The following TSPAN19 variants were observed in gnomAD, a reference collection of about 807,000 sequenced individuals.
TSPAN19 encodes the protein tetraspanin-19.
A neutral mutation model predicts 35.1 loss-of-function variants in TSPAN19; 44 were observed. The ratio of observed to expected loss-of-function variants is 1.25; its 90% CI spans 0.98 to 1.61. The LOEUF (loss-of-function observed/expected upper bound fraction) is 1.61. TSPAN19 is among the 40% of genes most tolerant of loss of function. The pLI, the probability that TSPAN19 is intolerant of heterozygous loss-of-function variation, is 0.00. For missense variants in TSPAN19, 290 were observed against 280.0 expected, an observed-to-expected ratio of 1.04 and a Z score of -0.26; for synonymous variants, 79 against 92.0, an observed-to-expected ratio of 0.86 and a Z score of 0.81.
chr12:85,026,330 A>G (rs939262064), intron 4 of TSPAN19, among the ~76,000 whole-genome samples: 1 of 152,168 alleles, frequency 6.6e-6, no homozygotes, highest in African/African-American at 2.4e-5. Context: ...AATTATGCTA[A>G]GGATCCTGGA....
At chr12:85,034,414 A>T (rs888495495) in intron 1 of TSPAN19, among the ~76,000 whole-genome samples, 1 of 152,136 alleles carries the variant, frequency 6.6e-6, no homozygotes, top group East Asian at 1.9e-4. Flanking sequence ...GTTATCTCTC[A>T]TTCTTTCATT....
rs141903985 is a variant in TSPAN19 at position 85,026,066 on chromosome 12, C to T, written c.264+1833G>A. On this transcript the variant is annotated intron_variant, in intron 4 of 8. Transcript: ENST00000532498. ...ATGTTCATGTATATCCTTATGATGG[C>T]GTCTATCAGGCTTTCTCATTCAGAT... Among the ~76,000 whole-genome samples, 1,013 of 152,194 alleles carry T rather than the reference C, an allele frequency of 6.7e-3. 16 individuals carry two copies. Among genetic ancestry groups the T allele is most frequent in the African/African-American group, 0.023 (953 of 41,520 alleles).
Position 85,027,361 on chromosome 12 carries a change from A to T in TSPAN19, c.264+538T>A, listed in dbSNP as rs1877464654. Among the ~76,000 whole-genome samples the T allele has an allele frequency of 4.6e-5, 7 of 152,172 alleles. No individual in the cohort carries two copies. The South Asian group carries it at 1.4e-3, about 31-fold the overall frequency. ...GCTCACTCATTAGCTGGGTGACAGGATCAATCGAATTCCAAACCTCAGCAT... is the reference window on the plus strand; with the variant it reads ...GCTCACTCATTAGCTGGGTGACAGGTTCAATCGAATTCCAAACCTCAGCAT... On this transcript the variant is annotated intron_variant, in intron 4 of 8. Coordinates refer to ENST00000532498, the MANE Select transcript of TSPAN19 (RefSeq NM_001100917.2).
At chr12:85,018,931 T>A (rs1876964391) in intron 6 of TSPAN19, among the ~76,000 whole-genome samples, 1 of 151,908 alleles carries the variant, frequency 6.6e-6, no homozygotes, top group Non-Finnish European at 1.5e-5. Flanking sequence ...TGGTATTTTT[T>A]TAATTGGGCA....
chr12:85,029,862 T>C lies in TSPAN19; in HGVS notation c.66+19A>G. On this transcript the variant is annotated intron_variant, in intron 2 of 8. Coordinates refer to ENST00000532498, the MANE Select transcript of TSPAN19 (RefSeq NM_001100917.2). ...AATAGATTACATTTTCTTTACTGTA[T>C]AATTATGAAGATTCTTACCAAGAAA... 6.6e-7 allele frequency: 1 copy of C among 1,506,394 alleles called. No individual in the cohort carries two copies. Among genetic ancestry groups the C allele is most frequent in the Non-Finnish European group, 9.0e-7 (1 of 1,114,874 alleles). 93.3% of individuals were successfully genotyped at this position (1,506,394 alleles called of 1,614,324 possible).
intron 1 of TSPAN19, among the ~76,000 whole-genome samples, chr12:85,033,178 T>G (rs1877762550): frequency 6.6e-6 from 1 of 151,926 alleles, no homozygotes; most frequent in Admixed American, 6.6e-5. Flanking sequence ...AAGGTCCTAG[T>G]TAGATAAAAA....
At chr12:85,020,049 T>G (rs1877041384) in intron 5 of TSPAN19, among the ~76,000 whole-genome samples, 1 of 151,910 alleles carries the variant, frequency 6.6e-6, no homozygotes, top group Admixed American at 6.6e-5. Context: ...ACTGTAAAAG[T>G]ATTTTATATA....
At chr12:85,019,773 G>T in intron 5 of TSPAN19, 37 bp from the exon 6 acceptor site, 2 of 1,194,624 alleles carry the variant, frequency 1.7e-6, no homozygotes, top group Non-Finnish European at 2.4e-6. Context: ...AATTTCATAG[G>T]AATGTATCCA....
chr12:85,032,257 G>A (rs932458980), intron 1 of TSPAN19, among the ~76,000 whole-genome samples: 7 of 152,094 alleles, frequency 4.6e-5, no homozygotes, highest in African/African-American at 1.7e-4. Context: ...CCAGTGTCAT[G>A]GGTGTGAATG....
chr12:85,034,229 A>G (rs1316925161), intron 1 of TSPAN19, among the ~76,000 whole-genome samples: 1 of 152,176 alleles, frequency 6.6e-6, no homozygotes, highest in Non-Finnish European at 1.5e-5. Context: ...GAAACAAAGA[A>G]ATACCTGCTC....
intron 1 of TSPAN19, 116 bp downstream of exon 1, chr12:85,036,088 T>C (rs1878004147): frequency 6.6e-6 from 1 of 152,224 alleles, no homozygotes; most frequent in South Asian, 2.1e-4. Context: ...TATAAATATA[T>C]GTAGCTCAGA....
chr12:85,035,670 AG>A (rs36032940), intron 1 of TSPAN19, among the ~76,000 whole-genome samples: 33,218 of 151,964 alleles, frequency 0.22, 4,289 homozygotes, highest in Admixed American at 0.3. Context: ...AGAAAATTAA[AG>A]TAAAAAATAT....
intron 4 of TSPAN19, among the ~76,000 whole-genome samples, chr12:85,027,176 A>G (rs1303982358): frequency 1.3e-5 from 2 of 152,164 alleles, no homozygotes; most frequent in Non-Finnish European, 2.9e-5. Context: ...GGGCAACCAG[A>G]TGCTAGAGTC....
intron 1 of TSPAN19, among the ~76,000 whole-genome samples, chr12:85,031,056 A>T (rs899213836): frequency 1.3e-5 from 2 of 152,040 alleles, no homozygotes; most frequent in South Asian, 4.2e-4. Context: ...TGAAAAGTGG[A>T]AAAAAAAGAG....
chr12:85,017,670 G>T, intron 6 of TSPAN19, 71 bp from the exon 7 acceptor site: 2 of 1,225,670 alleles, frequency 1.6e-6, no homozygotes, highest in Non-Finnish European at 1.1e-6. Flanking sequence ...GATTAATATT[G>T]AAGTGGTTTT....
intron 6 of TSPAN19, among the ~76,000 whole-genome samples, chr12:85,019,176 AGTTAGAG>A (rs1876980904): frequency 6.6e-6 from 1 of 151,894 alleles, no homozygotes; most frequent in South Asian, 2.1e-4. Context: ...TGCCAACCAG[AGTTAGAG>A]GTTAGTATGC....
intron 5 of TSPAN19, among the ~76,000 whole-genome samples, chr12:85,022,356 A>G (rs943366429): frequency 6.6e-6 from 1 of 152,180 alleles, no homozygotes; most frequent in African/African-American, 2.4e-5. Flanking sequence ...ATGGTATCAT[A>G]CAGAAAAGAT....
chr12:85,020,294 G>A (rs1011634830), intron 5 of TSPAN19, among the ~76,000 whole-genome samples: 4 of 151,436 alleles, frequency 2.6e-5, no homozygotes, highest in South Asian at 2.1e-4. Flanking sequence ...CCTGTTTTGC[G>A]TCTATTAAGT....
chr12:85,028,497 A>ATT (rs1211664594), intron 3 of TSPAN19, among the ~76,000 whole-genome samples: 3 of 152,174 alleles, frequency 2.0e-5, no homozygotes. Flanking sequence ...AGTGCTAGAG[A>ATT]TTATATATAT....
Sources: allele counts gnomAD v4.1 joint callset (sites outside exome capture counted in the v4.1 genomes callset), GRCh38; gene constraint gnomAD v4.1.1; transcripts MANE v1.5; gene names NCBI Gene and HGNC (gene_info 2026-07-23, HGNC 2026-07-21).